Variants in LRRTM4 observed in about 807,000 individuals in gnomAD.
LRRTM4 encodes the protein leucine rich repeat transmembrane neuronal 4.
Under a neutral mutation model 47.6 loss-of-function variants are expected in LRRTM4, and 25 were observed. That is an observed-to-expected ratio of 0.53 (90% CI 0.38 to 0.73). The LOEUF is 0.73. Ranked by LOEUF, LRRTM4 falls within the 30% of genes least tolerant of loss-of-function variation. The pLI, the probability that LRRTM4 is intolerant of heterozygous loss-of-function variation, is 0.00. For synonymous variants in LRRTM4, 311 were observed against 269.5 expected (o/e 1.15, Z -1.51); for missense variants, 638 against 713.4 (o/e 0.89, Z 1.20).
At chr2:77,020,479 C>G (rs372693283) in intron 3 of LRRTM4, among the ~76,000 whole-genome samples, 14 of 152,190 alleles carry the variant, frequency 9.2e-5, no homozygotes, top group Admixed American at 5.9e-4. Flanking sequence ...AAAAAGGTTT[C>G]TAAGAATCGT....
chr2:77,148,104 T>C (rs756942681), intron 3 of LRRTM4, among the ~76,000 whole-genome samples: 3 of 152,188 alleles, frequency 2.0e-5, no homozygotes, highest in Non-Finnish European at 4.4e-5. Flanking sequence ...GCTAACATGC[T>C]TTGGCACCCA....
chr2:76,958,914 C>A (rs185899519), intron 3 of LRRTM4, among the ~76,000 whole-genome samples: 332 of 151,732 alleles, frequency 2.2e-3, no homozygotes, highest in African/African-American at 7.8e-3. Flanking sequence ...GTTTTCCAGG[C>A]TTGTTACTTG....
chr2:77,469,599 T>C (rs563104820), intron 3 of LRRTM4, among the ~76,000 whole-genome samples: 1 of 152,246 alleles, frequency 6.6e-6, no homozygotes, highest in Admixed American at 6.5e-5. Context: ...GGCCCTAATT[T>C]TGATGAATAT....
chr2:77,374,039 C>T (rs1045621303), intron 3 of LRRTM4, among the ~76,000 whole-genome samples: 2 of 151,754 alleles, frequency 1.3e-5, no homozygotes, highest in African/African-American at 2.4e-5. Context: ...TTTCCACTGG[C>T]TAAGATCTGA....
intron 3 of LRRTM4, among the ~76,000 whole-genome samples, chr2:77,306,895 A>ATTTTTTTTTTTTT (rs1491512359): frequency 3.2e-5 from 4 of 125,582 alleles, no homozygotes; most frequent in African/African-American, 1.6e-4. Flanking sequence ...CTGCTTTTCC[A>ATTTTTTTTTTTTT]TATTTTTTTT....
chr2:77,483,057 G>A (rs1349983558), intron 3 of LRRTM4, among the ~76,000 whole-genome samples: 2 of 139,758 alleles, frequency 1.4e-5, no homozygotes, highest in Non-Finnish European at 3.0e-5. Flanking sequence ...AGAGGCAGAG[G>A]TTGCAGCGAG....
intron 3 of LRRTM4, among the ~76,000 whole-genome samples, chr2:77,049,527 T>A (rs151117801): frequency 6.6e-6 from 1 of 152,084 alleles, no homozygotes; most frequent in Non-Finnish European, 1.5e-5. Flanking sequence ...TTTTGATTGG[T>A]ATTTCTCTGA....
chr2:76,774,050 G>A (rs1001983110), intron 3 of LRRTM4, among the ~76,000 whole-genome samples: 2 of 151,972 alleles, frequency 1.3e-5, no homozygotes, highest in African/African-American at 2.4e-5. Flanking sequence ...TTGACTACCC[G>A]AAAACTTAGC....
intron 3 of LRRTM4, among the ~76,000 whole-genome samples, chr2:77,379,785 T>A (rs1238845947): frequency 6.6e-6 from 1 of 152,158 alleles, no homozygotes; most frequent in Non-Finnish European, 1.5e-5. Flanking sequence ...TAATTATTTT[T>A]CTCAACAAGT....
intron 3 of LRRTM4, among the ~76,000 whole-genome samples, chr2:77,325,746 A>G (rs536170696): frequency 3.3e-4 from 50 of 152,256 alleles, no homozygotes; most frequent in Admixed American, 1.8e-3. Flanking sequence ...GTATCGGAAA[A>G]AAGATGTGTG....
chr2:77,229,765 T>G (rs1674913623), intron 3 of LRRTM4, among the ~76,000 whole-genome samples: 1 of 152,206 alleles, frequency 6.6e-6, no homozygotes, highest in Admixed American at 6.6e-5. Flanking sequence ...GGCTCAGGTT[T>G]TGTACTAGAA....
intron 3 of LRRTM4, among the ~76,000 whole-genome samples, chr2:76,929,629 GTTTC>G (rs1674701698): frequency 6.6e-6 from 1 of 152,082 alleles, no homozygotes; most frequent in South Asian, 2.1e-4. Flanking sequence ...GAGTAGACAT[GTTTC>G]TTTAAGTTAA....
chr2:77,071,773 T>C (rs1237453131), intron 3 of LRRTM4, among the ~76,000 whole-genome samples: 3 of 152,186 alleles, frequency 2.0e-5, no homozygotes, highest in South Asian at 2.1e-4. Flanking sequence ...GTTTTACAAG[T>C]AGCAAAATTC....
chr2:76,810,196 A>T (rs570680265), intron 3 of LRRTM4, among the ~76,000 whole-genome samples: 1 of 152,320 alleles, frequency 6.6e-6, no homozygotes, highest in Admixed American at 6.5e-5. Context: ...ACTGATGAAC[A>T]ATTCTCCTTT....
intron 3 of LRRTM4, among the ~76,000 whole-genome samples, chr2:77,026,889 T>G (rs1678473198): frequency 1.3e-5 from 2 of 152,172 alleles, no homozygotes; most frequent in African/African-American, 4.8e-5. Flanking sequence ...TATGAATATT[T>G]AGTAAGATGT....
chr2:76,870,802 C>T (rs1672602589), intron 3 of LRRTM4, among the ~76,000 whole-genome samples: 1 of 152,164 alleles, frequency 6.6e-6, no homozygotes, highest in African/African-American at 2.4e-5. Context: ...CAACCCTATG[C>T]TTATCATATA....
chr2:76,946,999 G>C (rs1003139867), intron 3 of LRRTM4, among the ~76,000 whole-genome samples: 5 of 151,812 alleles, frequency 3.3e-5, no homozygotes, highest in African/African-American at 9.7e-5. Flanking sequence ...CCTGAGTGAA[G>C]AGAATAATTA....
chr2:76,968,644 G>A (rs1676118705), intron 3 of LRRTM4, among the ~76,000 whole-genome samples: 1 of 151,568 alleles, frequency 6.6e-6, no homozygotes, highest in East Asian at 2.0e-4. Flanking sequence ...AGAGGGAAAT[G>A]TATGGTGGAA....
intron 3 of LRRTM4, among the ~76,000 whole-genome samples, chr2:76,798,511 A>T (rs527494981): frequency 6.9e-6 from 1 of 144,382 alleles, no homozygotes; most frequent in African/African-American, 2.5e-5. Context: ...AAGATCCAAA[A>T]TTGACACCCT....
Sources: gnomAD v4.1 joint callset for allele counts (sites outside exome capture counted in the v4.1 genomes callset) on GRCh38, gnomAD v4.1.1 for gene constraint, MANE v1.5 for transcripts, NCBI Gene and HGNC (gene_info 2026-07-23, HGNC 2026-07-21) for gene names.